The following BTBD9 variants were observed in gnomAD, a reference collection of about 807,000 sequenced individuals.
The protein encoded by BTBD9 is BTB/POZ domain-containing protein 9.
Under a neutral mutation model 64.3 loss-of-function variants are expected in BTBD9, and 49 were observed. The ratio of observed to expected loss-of-function variants is 0.76; its 90% CI spans 0.61 to 0.97. The LOEUF is 0.97. Among genes scored for constraint, BTBD9 ranks in the 50% least tolerant of loss-of-function variants. BTBD9 has a pLI of 0.00. For synonymous variants in BTBD9, 260 were observed against 274.7 expected (o/e 0.95, Z 0.53); for missense variants, 598 against 762.1 (o/e 0.78, Z 2.53).
intron 6 of BTBD9, among the ~76,000 whole-genome samples, chr6:38,458,250 C>T (rs1029897943): frequency 2.6e-5 from 4 of 152,152 alleles, no homozygotes; most frequent in African/African-American, 9.7e-5. Context: ...TTTTAAATTC[C>T]TACCTGCAAA....
At position 38,505,014 on chromosome 6, in the gene BTBD9, T is replaced by C. The variant is rs543219565; in HGVS notation, c.1154+72586A>G. On this transcript the variant is annotated intron_variant, in intron 6 of 10. Coordinates refer to ENST00000481247, the MANE Select transcript of BTBD9 (RefSeq NM_001099272.2). ...CTTTTCTGACTCTATTAGAACCATT[T>C]AACAAAGTTGCTTATTCCTTCATTC... 4.6e-5 allele frequency among the ~76,000 whole-genome samples: 7 copies of C among 152,356 alleles called. No homozygotes were observed. The South Asian group carries it at 1.2e-3, about 27-fold the overall frequency.
chr6:38,360,661 T>C (rs13200372), intron 6 of BTBD9, among the ~76,000 whole-genome samples: 11,249 of 151,720 alleles, frequency 0.074, 555 homozygotes, highest in Non-Finnish European at 0.11. Flanking sequence ...GGAAGGAAAA[T>C]GCAGGCAGAA....
intron 6 of BTBD9, among the ~76,000 whole-genome samples, chr6:38,405,612 A>T (rs1457495940): frequency 6.6e-6 from 1 of 152,110 alleles, no homozygotes; most frequent in East Asian, 1.9e-4. Flanking sequence ...TAAAAAAAAA[A>T]ACAAACAATA....
At chr6:38,288,535 AAATT>A in intron 7 of BTBD9, 74 bp from the exon 8 acceptor site, 2 of 1,184,886 alleles carry the variant, frequency 1.7e-6, no homozygotes, top group Non-Finnish European at 2.4e-6. Flanking sequence ...GCTCAGAACA[AAATT>A]AATTAATTGC....
intron 1 of BTBD9, among the ~76,000 whole-genome samples, chr6:38,623,615 G>A (rs1031190861): frequency 2.5e-4 from 38 of 152,064 alleles, no homozygotes; most frequent in African/African-American, 8.5e-4. Context: ...AGTACAAGAC[G>A]CTTCCCGGCA....
intron 9 of BTBD9, among the ~76,000 whole-genome samples, chr6:38,196,737 T>G (rs1762284464): frequency 1.3e-5 from 2 of 152,174 alleles, no homozygotes; most frequent in Admixed American, 1.3e-4. Context: ...ATGCAAACAG[T>G]ACAGTGGTCC....
intron 6 of BTBD9, among the ~76,000 whole-genome samples, chr6:38,365,017 CA>C (rs1157280503): frequency 1.3e-5 from 2 of 151,932 alleles, no homozygotes; most frequent in South Asian, 4.1e-4. Context: ...ATCCAGTCTC[CA>C]AAGGTATTTT....
intron 6 of BTBD9, among the ~76,000 whole-genome samples, chr6:38,440,067 T>C (rs927570065): frequency 7.9e-5 from 12 of 152,168 alleles, no homozygotes; most frequent in Admixed American, 2.6e-4. Context: ...CAAGTAAAAG[T>C]GTCAAGTAGG....
At chr6:38,463,488 C>A (rs1249108663) in intron 6 of BTBD9, among the ~76,000 whole-genome samples, 1 of 152,204 alleles carries the variant, frequency 6.6e-6, no homozygotes, top group Admixed American at 6.5e-5. Flanking sequence ...TAACTTTTGA[C>A]ATTAAGTTAG....
chr6:38,296,898 T>A lies in BTBD9; in HGVS notation c.1265-8437A>T, dbSNP rs183624330. ...CGATGTGACTTCGTAAAATCTTAGA[T>A]TTACTTTGTGGTCTAGTACATGGCT... is the stretch of plus-strand genomic sequence containing the variant. On this transcript the variant is annotated intron_variant, in intron 7 of 10. Coordinates refer to ENST00000481247, the MANE Select transcript of BTBD9 (RefSeq NM_001099272.2). Among the ~76,000 whole-genome samples the A allele has an allele frequency of 2.2e-3, 332 of 152,324 alleles. 1 individual carries two copies. The highest frequency in any genetic ancestry group is 7.6e-3 in the African/African-American group (317 of 41,570).
At chr6:38,371,166 C>A (rs971307294) in intron 6 of BTBD9, among the ~76,000 whole-genome samples, 2 of 152,118 alleles carry the variant, frequency 1.3e-5, no homozygotes, top group African/African-American at 4.8e-5. Flanking sequence ...CTTGGCAGCC[C>A]CCCATTGCTT....
chr6:38,312,625 T>C (rs1762879625), intron 7 of BTBD9, among the ~76,000 whole-genome samples: 1 of 152,222 alleles, frequency 6.6e-6, no homozygotes, highest in East Asian at 1.9e-4. Flanking sequence ...CTTCCACATA[T>C]GGATATCCAG....
At chr6:38,356,417 C>A (rs924128636) in intron 6 of BTBD9, among the ~76,000 whole-genome samples, 1 of 152,002 alleles carries the variant, frequency 6.6e-6, no homozygotes, top group African/African-American at 2.4e-5. Context: ...TCATCTTGTT[C>A]TACTTTCTGG....
intron 6 of BTBD9, among the ~76,000 whole-genome samples, chr6:38,529,515 AT>A (rs1773682961): frequency 6.6e-6 from 1 of 152,138 alleles, no homozygotes; most frequent in African/African-American, 2.4e-5. Context: ...CAAATACCTA[AT>A]CTCAGTGTCC....
At chr6:38,433,340 C>T (rs1304000661) in intron 6 of BTBD9, among the ~76,000 whole-genome samples, 3 of 151,960 alleles carry the variant, frequency 2.0e-5, no homozygotes, top group Admixed American at 2.0e-4. Context: ...ACTAAGCCAT[C>T]ATATCCCCTG....
At chr6:38,613,113 T>C (rs112241532) in intron 1 of BTBD9, 2 of 152,346 alleles carry the variant, frequency 1.3e-5, no homozygotes, top group East Asian at 1.9e-4. Context: ...AGTTGTCAAA[T>C]TGGTAATATT....
At chr6:38,456,758 AC>A (rs1458246009) in intron 6 of BTBD9, among the ~76,000 whole-genome samples, 1 of 151,976 alleles carries the variant, frequency 6.6e-6, no homozygotes, top group Non-Finnish European at 1.5e-5. Context: ...TTGGGTATAA[AC>A]CCTGCGTCAA....
intron 8 of BTBD9, among the ~76,000 whole-genome samples, chr6:38,270,415 A>G (rs1374095855): frequency 2.0e-5 from 3 of 152,060 alleles, no homozygotes; most frequent in African/African-American, 7.2e-5. Flanking sequence ...AATTTTCACA[A>G]GCCAGGAAAG....
intron 10 of BTBD9, among the ~76,000 whole-genome samples, chr6:38,186,373 T>A (rs1761819773): frequency 6.6e-6 from 1 of 152,166 alleles, no homozygotes; most frequent in African/African-American, 2.4e-5. Flanking sequence ...ATTATAAGGG[T>A]CCTAAGCTAG....
Sources: allele counts gnomAD v4.1 joint callset (sites outside exome capture counted in the v4.1 genomes callset), GRCh38; gene constraint gnomAD v4.1.1; transcripts MANE v1.5; gene names NCBI Gene and HGNC (gene_info 2026-07-23, HGNC 2026-07-21).